Variants in DNAH8 observed in about 807,000 individuals in gnomAD.
DNAH8 encodes the protein dynein axonemal heavy chain 8.
Under a neutral mutation model 562.1 loss-of-function variants are expected in DNAH8, and 382 were observed. The ratio of observed to expected loss-of-function variants is 0.68; its 90% CI spans 0.63 to 0.74. DNAH8 has a LOEUF of 0.74. Among genes scored for constraint, DNAH8 ranks in the 30% least tolerant of loss-of-function variants. DNAH8 has a pLI of 0.00. For synonymous variants in DNAH8, 1,881 were observed against 1,919.4 expected (o/e 0.98, Z 0.52); for missense variants, 5,203 against 5,620.4 (o/e 0.93, Z 2.37).
At chr6:39,016,199 T>G (rs1326522894) in intron 91 of DNAH8, among the ~76,000 whole-genome samples, 1 of 152,180 alleles carries the variant, frequency 6.6e-6, no homozygotes, top group Non-Finnish European at 1.5e-5. Flanking sequence ...TTCAGTCCTC[T>G]TCAATGAAGT....
intron 1 of DNAH8, among the ~76,000 whole-genome samples, chr6:38,720,851 A>G (rs1365779539): frequency 6.6e-6 from 1 of 152,176 alleles, no homozygotes; most frequent in Non-Finnish European, 1.5e-5. Context: ...TAACACACAA[A>G]AAAAATTCAG....
intron 82 of DNAH8, among the ~76,000 whole-genome samples, chr6:38,951,812 T>C (rs1245660055): frequency 6.6e-6 from 1 of 152,110 alleles, no homozygotes; most frequent in East Asian, 1.9e-4. Flanking sequence ...CTAACAAGAA[T>C]GAACACACAA....
chr6:38,723,168 C>T lies in DNAH8; in HGVS notation c.359C>T (p.Pro120Leu). Residue 120 changes from proline to leucine, a missense_variant, in exon 2 of 93, where the codon CCC (proline) becomes CTC (leucine). This residue lies in a region of DNAH8 where 556 missense variants were observed against 496.9 expected (regional missense o/e 1.12). Transcript: ENST00000327475. The part of the protein sequence containing the change: ...SRYRRSMSGL[P>L]NLQETLKERQ... ...TACCGCCGGAGTATGAGTGGCCTTC[C>T]CAATCTACAGGAAACATTAAAAGAG... 1.9e-6 allele frequency: 3 copies of T among 1,612,218 alleles called. No homozygotes were observed. The highest frequency in any genetic ancestry group is 1.1e-5 in the South Asian group (1 of 91,050).
chr6:38,752,938 T>TA (rs993950360), intron 9 of DNAH8, among the ~76,000 whole-genome samples: 1 of 152,134 alleles, frequency 6.6e-6, no homozygotes, highest in Non-Finnish European at 1.5e-5. Context: ...TTTGAAAAAT[T>TA]ACAGCTTTAT....
chr6:38,814,080 ATAT>A lies in DNAH8; in HGVS notation c.3289_3291del (p.Ile1097del). 1 of 1,593,768 alleles carries A rather than the reference ATAT, an allele frequency of 6.3e-7. No homozygotes were observed. Among genetic ancestry groups the A allele is most frequent in the Non-Finnish European group, 8.6e-7 (1 of 1,162,764 alleles). On this transcript the variant is annotated inframe_deletion, in exon 25 of 93. Coordinates refer to ENST00000327475, the MANE Select transcript of DNAH8 (RefSeq NM_001206927.2). ...CTTTATGGGCGAAAGCAGTCAGAAGATATTATTTCCTTTATAAAAAGTGAAGTA... is the reference window on the plus strand; with the variant it reads ...CTTTATGGGCGAAAGCAGTCAGAAGATATTTCCTTTATAAAAAGTGAAGTA...
chr6:38,899,599 C>T (rs75788952), intron 61 of DNAH8, among the ~76,000 whole-genome samples, 177 bp from the exon 62 acceptor site: 1,602 of 152,252 alleles, frequency 0.011, 25 homozygotes, highest in South Asian at 0.04. Flanking sequence ...AGGAAAGATT[C>T]GAGCTGAACA....
intron 24 of DNAH8, among the ~76,000 whole-genome samples, chr6:38,808,950 G>A (rs1009831582): frequency 3.3e-5 from 5 of 152,202 alleles, no homozygotes; most frequent in African/African-American, 1.2e-4. Context: ...GGGGGTGTGG[G>A]GATAGGGGAG....
chr6:38,913,465 T>A lies in DNAH8; in HGVS notation c.9860-384T>A, dbSNP rs143978271. 1.2e-4 allele frequency among the ~76,000 whole-genome samples: 19 copies of A among 152,342 alleles called. No homozygotes were observed. In the East Asian group the frequency reaches 2.9e-3, roughly 23 times the overall value. ...ACAAAAATGTTAATATATTTTCTAT[T>A]TCATTTGCCACCTCAGCTGCAATAT... On this transcript the variant is annotated intron_variant, in intron 66 of 92. Transcript: ENST00000327475.
chr6:38,753,333 CA>C (rs1765628353), intron 9 of DNAH8, among the ~76,000 whole-genome samples: 2 of 152,190 alleles, frequency 1.3e-5, no homozygotes, highest in South Asian at 4.1e-4. Context: ...CCCAACTTTA[CA>C]ATGTGAGCAA....
At chr6:38,936,766 C>T (rs1402573900) in intron 77 of DNAH8, among the ~76,000 whole-genome samples, 2 of 152,136 alleles carry the variant, frequency 1.3e-5, no homozygotes. Flanking sequence ...ATCAAGACCT[C>T]TCTCCTTGAG....
intron 21 of DNAH8, among the ~76,000 whole-genome samples, chr6:38,802,252 T>C (rs1206185226): frequency 7.3e-5 from 11 of 149,838 alleles, no homozygotes; most frequent in Admixed American, 2.0e-4. Context: ...TACTTTTACG[T>C]TTTTTTTTTA....
Position 38,811,862 on chromosome 6 carries a change from C to T in DNAH8, c.3258-2192C>T, listed in dbSNP as rs58989187. On this transcript the variant is annotated intron_variant, in intron 24 of 92. Coordinates refer to ENST00000327475, the MANE Select transcript of DNAH8 (RefSeq NM_001206927.2). Reference sequence around the variant, plus strand: ...TAAATGACACTTGGAACCCTGAGTACAGAACCAGGTCTTATTTCTTCACAG... The same window carrying T: ...TAAATGACACTTGGAACCCTGAGTATAGAACCAGGTCTTATTTCTTCACAG... Among the ~76,000 whole-genome samples, 1,495 of 152,232 alleles carry T rather than the reference C, an allele frequency of 9.8e-3. 19 individuals are homozygous for T. The highest frequency in any genetic ancestry group is 0.034 in the African/African-American group (1,406 of 41,518).
rs187048871 is a variant in DNAH8 at position 38,955,602 on chromosome 6, G to A, written c.12451+4082G>A. ...GCCGAGATTGTGCCATTGCACTCCA[G>A]CCTGGGTGACAGAGTGAGACTCCAT... On this transcript the variant is annotated intron_variant, in intron 82 of 92. Coordinates refer to ENST00000327475, the MANE Select transcript of DNAH8 (RefSeq NM_001206927.2). Among the ~76,000 whole-genome samples the A allele has an allele frequency of 1.1e-4, 16 of 152,228 alleles. No individual in the cohort carries two copies. In the East Asian group the frequency reaches 2.9e-3, roughly 28 times the overall value.
At chr6:38,834,796 C>T (rs1317648756) in intron 32 of DNAH8, among the ~76,000 whole-genome samples, 155 bp downstream of exon 32, 1 of 152,128 alleles carries the variant, frequency 6.6e-6, no homozygotes, top group Non-Finnish European at 1.5e-5. Flanking sequence ...CAATTGACTC[C>T]TCTGTCTCCC....
chr6:38,858,664 C>G (rs1776380643), intron 42 of DNAH8, among the ~76,000 whole-genome samples: 2 of 152,194 alleles, frequency 1.3e-5, no homozygotes, highest in Admixed American at 6.5e-5. Context: ...TTAGGAGATT[C>G]ATATGCATAT....
chr6:38,993,706 T>G (rs1412358820), intron 88 of DNAH8, among the ~76,000 whole-genome samples: 1 of 152,226 alleles, frequency 6.6e-6, no homozygotes, highest in Non-Finnish European at 1.5e-5. Flanking sequence ...CTTTTTTCTC[T>G]TAACAATGTA....
chr6:38,921,560 A>G (rs1781709889), intron 71 of DNAH8, 54 bp downstream of exon 71: 1 of 1,556,302 alleles, frequency 6.4e-7, no homozygotes, highest in Admixed American at 1.9e-5. Flanking sequence ...TTTACACAAG[A>G]GCATGCTATA....
intron 6 of DNAH8, 23 bp downstream of exon 6, chr6:38,737,279 A>G: frequency 7.4e-7 from 1 of 1,352,250 alleles, no homozygotes. Flanking sequence ...TTTAATGTTT[A>G]GCAAATTGCA....
rs756190655 is a variant in DNAH8, at chr6:38,852,742, G to A, written c.5515G>A (p.Ala1839Thr). 14 of 1,613,700 alleles carry A rather than the reference G, an allele frequency of 8.7e-6. No homozygotes were observed. In the South Asian group the frequency reaches 1.3e-4, roughly 15 times the overall value. Reference sequence around the variant, plus strand: ...CAACATCAATGAGGTGACATTTCATGCAAAAGACTATGATCGCATCATGGC... The same window carrying A: ...CAACATCAATGAGGTGACATTTCATACAAAAGACTATGATCGCATCATGGC... ...SDNINEVTFH[A>T]KDYDRIMAVI... The change falls in exon 40 of 93, where the codon GCA (alanine) becomes ACA (threonine). Residue 1839 changes from alanine (A) to threonine (T), a missense_variant. By Grantham distance (58) the Ala-to-Thr change is moderately conservative. This residue lies in a region of DNAH8 where 2,176 missense variants were observed against 2,365.1 expected (regional missense o/e 0.92). Transcript: ENST00000327475.
Sources: gnomAD v4.1 joint callset for allele counts (sites outside exome capture counted in the v4.1 genomes callset) on GRCh38, gnomAD v4.1.1 for gene constraint, gnomAD v4.1.1 regional missense constraint, MANE v1.5 for transcripts, NCBI Gene and HGNC (gene_info 2026-07-23, HGNC 2026-07-21) for gene names.